TBC1D12: variants seen among roughly 807,000 people sequenced by gnomAD.
TBC1D12 encodes TBC1 domain family member 12.
In TBC1D12, 56 loss-of-function variants were observed where a neutral mutation model predicts 86.7. The ratio of observed to expected loss-of-function variants is 0.65; its 90% CI spans 0.52 to 0.81. TBC1D12 has a LOEUF of 0.81. Ranked by LOEUF, TBC1D12 falls within the 30% of genes least tolerant of loss-of-function variation. TBC1D12 has a pLI of 0.00. For missense variants in TBC1D12, 1,023 were observed against 1,038.8 expected, an observed-to-expected ratio of 0.98 and a Z score of 0.21; for synonymous variants, 421 against 411.7, an observed-to-expected ratio of 1.02 and a Z score of -0.27.
At chr10:94,473,043 A>G (rs1350985475) in intron 2 of TBC1D12, among the ~76,000 whole-genome samples, 1 of 152,148 alleles carries the variant, frequency 6.6e-6, no homozygotes, top group Non-Finnish European at 1.5e-5. Context: ...TAATATCTCA[A>G]TTAAGGTTAA....
At chr10:94,437,864 G>T (rs2055324906) in intron 1 of TBC1D12, among the ~76,000 whole-genome samples, 1 of 151,460 alleles carries the variant, frequency 6.6e-6, no homozygotes, top group Non-Finnish European at 1.5e-5. Flanking sequence ...AGAATTTGTT[G>T]TGTTGCTTAT....
In TBC1D12 at chr10:94,535,359, G is replaced by A. The variant is rs975092422; in HGVS notation, c.*2263G>A. On this transcript the variant is annotated 3_prime_UTR_variant, in exon 13 of 13. Transcript: ENST00000225235. ...TAGATTTACAGTGTGTTTTTATGTT[G>A]CAGTTTAGTTTGAAACAACACTTAA... is the stretch of plus-strand genomic sequence containing the variant. 26 of 152,176 alleles carry A rather than the reference G, an allele frequency of 1.7e-4. No individual in the cohort carries two copies. The highest frequency in any genetic ancestry group is 5.3e-4 in the African/African-American group (22 of 41,518). 9.4% of individuals were successfully genotyped at this position (152,176 alleles called of 1,614,324 possible). A position where few individuals can be genotyped will look rare whatever the true frequency, so the allele number is the denominator to read the frequency against.
chr10:94,409,830 A>G (rs989717955), intron 1 of TBC1D12, among the ~76,000 whole-genome samples: 1 of 152,134 alleles, frequency 6.6e-6, no homozygotes, highest in African/African-American at 2.4e-5. Flanking sequence ...AAATAGTTTT[A>G]GATTTGTAGA....
intron 6 of TBC1D12, among the ~76,000 whole-genome samples, chr10:94,501,640 G>A (rs200295658): frequency 2.0e-5 from 3 of 148,400 alleles, no homozygotes; most frequent in Non-Finnish European, 3.0e-5. Flanking sequence ...TCCGCCTCCC[G>A]GGTTCAAGCG....
intron 1 of TBC1D12, among the ~76,000 whole-genome samples, chr10:94,414,711 C>T (rs1378324154): frequency 6.6e-6 from 1 of 151,928 alleles, no homozygotes; most frequent in Non-Finnish European, 1.5e-5. Flanking sequence ...GCGATTCTCC[C>T]ATCTCAGCCT....
chr10:94,481,859 G>T (rs1185277754), intron 3 of TBC1D12, among the ~76,000 whole-genome samples: 1 of 151,894 alleles, frequency 6.6e-6, no homozygotes, highest in African/African-American at 2.4e-5. Context: ...TGGGATAAAT[G>T]AGATACTTTG....
intron 1 of TBC1D12, among the ~76,000 whole-genome samples, chr10:94,406,944 T>C (rs2054861215): frequency 1.3e-5 from 2 of 152,190 alleles, no homozygotes; most frequent in African/African-American, 4.8e-5. Context: ...TTGTTCACTT[T>C]ATGGCTCTTT....
intron 5 of TBC1D12, among the ~76,000 whole-genome samples, chr10:94,499,206 A>G (rs558750913): frequency 2.6e-5 from 4 of 152,288 alleles, no homozygotes; most frequent in East Asian, 1.9e-4. Context: ...TTTGAAACAT[A>G]CAGTTCATTA....
Position 94,441,179 on chromosome 10 carries a change from A to T in TBC1D12, c.972-717A>T, listed in dbSNP as rs140373663. ...TTGTTTTTTTTTTTCTAGATTTTTC[A>T]GTGAGAGATACTTTCTTCCTTGGTT... On this transcript the variant is annotated intron_variant, in intron 1 of 12. Coordinates refer to ENST00000225235, the MANE Select transcript of TBC1D12 (RefSeq NM_015188.2). 1.5e-4 allele frequency among the ~76,000 whole-genome samples: 23 copies of T among 150,540 alleles called. No homozygotes were observed. The East Asian group carries it at 4.5e-3, about 29-fold the overall frequency.
Position 94,531,759 on chromosome 10 carries a change from TTTATTTTATTTTATG to T in TBC1D12, c.2259+389_2259+403del, listed in dbSNP as rs1564996752. On this transcript the variant is annotated intron_variant, in intron 12 of 12. Coordinates refer to ENST00000225235, the MANE Select transcript of TBC1D12 (RefSeq NM_015188.2). ...GTTATGTTATTTTATGTTATTTTAT[TTTATTTTATTTTATG>T]TTATTTTATTTTATGTTATTTTATT... Among the ~76,000 whole-genome samples the T allele has an allele frequency of 7.0e-3, 467 of 66,544 alleles. 23 individuals are homozygous for T. Among genetic ancestry groups the T allele is most frequent in the African/African-American group, 0.012 (299 of 24,196 alleles). The allele number at this position is 66,544 out of a possible 152,430, so 43.7% of individuals were successfully genotyped here.
intron 3 of TBC1D12, among the ~76,000 whole-genome samples, chr10:94,488,109 G>A (rs1216487532): frequency 6.6e-6 from 1 of 151,950 alleles, no homozygotes; most frequent in Non-Finnish European, 1.5e-5. Flanking sequence ...GAGTAGGCTG[G>A]GCACAGTGGC....
At chr10:94,450,017 C>T (rs2055525851) in intron 2 of TBC1D12, among the ~76,000 whole-genome samples, 1 of 152,128 alleles carries the variant, frequency 6.6e-6, no homozygotes, top group Non-Finnish European at 1.5e-5. Context: ...CTGATATTAG[C>T]AAACTCTAGG....
At chr10:94,415,516 G>A (rs1288506245) in intron 1 of TBC1D12, among the ~76,000 whole-genome samples, 1 of 152,170 alleles carries the variant, frequency 6.6e-6, no homozygotes, top group Non-Finnish European at 1.5e-5. Context: ...GGCGGATCAC[G>A]AGGTCAGGAG....
chr10:94,435,138 C>T (rs986071364), intron 1 of TBC1D12, among the ~76,000 whole-genome samples: 9 of 152,126 alleles, frequency 5.9e-5, no homozygotes, highest in African/African-American at 2.2e-4. Context: ...TAGGTTTTTG[C>T]TCTTTTGAAC....
intron 2 of TBC1D12, among the ~76,000 whole-genome samples, chr10:94,459,077 TG>T: frequency 1.3e-5 from 2 of 151,500 alleles, no homozygotes; most frequent in African/African-American, 4.9e-5. Flanking sequence ...TACAGAGAGC[TG>T]ATTGGTCCAT....
intron 1 of TBC1D12, among the ~76,000 whole-genome samples, chr10:94,410,917 G>A (rs2054920210): frequency 6.6e-6 from 1 of 151,984 alleles, no homozygotes; most frequent in Admixed American, 6.6e-5. Flanking sequence ...TAATATCATG[G>A]TATTATAATA....
Position 94,529,510 on chromosome 10 carries a change from C to T in TBC1D12, c.2001-1692C>T, listed in dbSNP as rs558809133. On this transcript the variant is annotated intron_variant, in intron 11 of 12. Transcript: ENST00000225235. The stretch of plus-strand genomic sequence containing the variant: ...GTCCATACCTGTAGTCACAGCTACT[C>T]GGGAGGCTGAGGCAGGAGAATCGCT... 9.2e-5 allele frequency among the ~76,000 whole-genome samples: 14 copies of T among 152,060 alleles called. No individual in the cohort carries two copies. The East Asian group carries it at 1.2e-3, about 13-fold the overall frequency.
At chr10:94,421,982 CCTT>C (rs2055080021) in intron 1 of TBC1D12, among the ~76,000 whole-genome samples, 1 of 152,090 alleles carries the variant, frequency 6.6e-6, no homozygotes, top group South Asian at 2.1e-4. Context: ...TGTCATTAAA[CCTT>C]CTTGGTAGTA....
intron 1 of TBC1D12, among the ~76,000 whole-genome samples, chr10:94,436,169 C>T (rs1234481018): frequency 2.7e-5 from 4 of 150,424 alleles, no homozygotes; most frequent in Admixed American, 1.3e-4. Context: ...GATGGAGTCT[C>T]ACTTTTTTGC....
Sources: allele counts gnomAD v4.1 joint callset (sites outside exome capture counted in the v4.1 genomes callset), GRCh38; gene constraint gnomAD v4.1.1; transcripts MANE v1.5; gene names NCBI Gene and HGNC (gene_info 2026-07-23, HGNC 2026-07-21).